Variants in SUCLG1 observed in about 807,000 individuals in gnomAD.
SUCLG1 encodes the protein succinate--CoA ligase [ADP/GDP-forming] subunit alpha, mitochondrial.
In SUCLG1, 26 loss-of-function variants were observed where a neutral mutation model predicts 37.3. That is an observed-to-expected ratio of 0.70 (90% CI 0.51 to 0.97). The LOEUF (loss-of-function observed/expected upper bound fraction) is 0.97. Ranked by LOEUF, SUCLG1 falls within the 50% of genes least tolerant of loss-of-function variation. SUCLG1 has a pLI of 0.00. For missense variants in SUCLG1, 433 were observed against 432.9 expected (o/e 1.00, Z 0.00); for synonymous variants, 163 against 155.6 (o/e 1.05, Z -0.36).
intron 7 of SUCLG1, among the ~76,000 whole-genome samples, chr2:84,427,705 T>C (rs1321961816): frequency 1.3e-5 from 2 of 152,214 alleles, no homozygotes; most frequent in East Asian, 1.9e-4. Context: ...TTGTTCATTA[T>C]TGAGAAGAGA....
chr2:84,459,116 G>T, intron 1 of SUCLG1, 57 bp downstream of exon 1: 1 of 1,504,028 alleles, frequency 6.6e-7, no homozygotes, highest in South Asian at 1.2e-5. Flanking sequence ...CAGGAGGTTG[G>T]GTCCGGCGGG....
rs1392737073 is a variant in SUCLG1 at position 84,443,386 on chromosome 2, G to T, written c.216C>A (p.Ser72Arg). The T allele has an allele frequency of 6.2e-7, 1 of 1,614,100 alleles. No individual in the cohort carries two copies. Among genetic ancestry groups the T allele is most frequent in the East Asian group, 2.2e-5 (1 of 44,870 alleles). ...GFTGKQGTFH[S>R]QQALEYGTKL... Reference sequence around the variant, plus strand: ...TGGTGCCATATTCCAATGCCTGCTGGCTGTGAAAGGTGCCCTGAGGGGAAA... The same window carrying T: ...TGGTGCCATATTCCAATGCCTGCTGTCTGTGAAAGGTGCCCTGAGGGGAAA... Residue 72 changes from serine (S) to arginine (R), a missense_variant, in exon 3 of 9, where the codon AGC (serine) becomes AGA (arginine). Coordinates refer to ENST00000393868, the MANE Select transcript of SUCLG1 (RefSeq NM_003849.4).
intron 1 of SUCLG1, among the ~76,000 whole-genome samples, chr2:84,450,489 A>G (rs1457081834): frequency 2.0e-5 from 3 of 152,020 alleles, no homozygotes; most frequent in Non-Finnish European, 2.9e-5. Flanking sequence ...AATAGTTACT[A>G]CAACCAGCTC....
At chr2:84,443,487 GA>G in intron 2 of SUCLG1, 87 bp from the exon 3 acceptor site, 1 of 1,094,272 alleles carries the variant, frequency 9.1e-7, no homozygotes. Flanking sequence ...CTTAGGAAAA[GA>G]AAAACAAATA....
At chr2:84,438,329 G>A (rs1672718406) in intron 5 of SUCLG1, among the ~76,000 whole-genome samples, 1 of 152,148 alleles carries the variant, frequency 6.6e-6, no homozygotes, top group Non-Finnish European at 1.5e-5. Context: ...GTGACATGTG[G>A]TTGAGAGTAA....
At position 84,436,670 on chromosome 2, in the gene SUCLG1, C is replaced by T. The variant is rs1323120234; in HGVS notation, c.590-3235G>A. 6.6e-5 allele frequency among the ~76,000 whole-genome samples: 10 copies of T among 152,308 alleles called. No individual in the cohort carries two copies. The East Asian group carries it at 1.9e-3, about 29-fold the overall frequency. On this transcript the variant is annotated intron_variant, in intron 5 of 8. Transcript: ENST00000393868. ...TTGGCAAAATAAATTCATAGTCAGG[C>T]TTGATCAACCAGCCTGAAATTTGAA... is the stretch of plus-strand genomic sequence containing the variant.
At chr2:84,456,544 C>T (rs1263626551) in intron 1 of SUCLG1, among the ~76,000 whole-genome samples, 1 of 152,088 alleles carries the variant, frequency 6.6e-6, no homozygotes, top group Non-Finnish European at 1.5e-5. Flanking sequence ...CTTTATGCTT[C>T]TCTTAAAACT....
chr2:84,444,014 A>G (rs1008738223), intron 2 of SUCLG1, among the ~76,000 whole-genome samples: 3 of 152,198 alleles, frequency 2.0e-5, no homozygotes, highest in Non-Finnish European at 2.9e-5. Context: ...GAGGTCATCC[A>G]GTGCCTAGTG....
intron 5 of SUCLG1, among the ~76,000 whole-genome samples, 190 bp downstream of exon 5, chr2:84,440,857 T>C (rs1443066346): frequency 6.6e-6 from 1 of 152,250 alleles, no homozygotes; most frequent in Non-Finnish European, 1.5e-5. Context: ...TTCTGCAGAA[T>C]TGTAACGGCT....
At position 84,449,760 on chromosome 2, in the gene SUCLG1, G is replaced by C; in HGVS notation, c.98-8C>G. 2.5e-6 allele frequency: 2 copies of C among 802,828 alleles called. No individual in the cohort carries two copies. The highest frequency in any genetic ancestry group is 3.8e-5 in the African/African-American group (1 of 26,430). The allele number at this position is 802,828 out of a possible 1,614,324, so 49.7% of individuals were successfully genotyped here. A position where few individuals can be genotyped will look rare whatever the true frequency, so the allele number is the denominator to read the frequency against. On this transcript the variant is annotated splice_polypyrimidine_tract_variant and splice_region_variant and intron_variant, in intron 1 of 8. Coordinates refer to ENST00000393868, the MANE Select transcript of SUCLG1 (RefSeq NM_003849.4). ...GAATTCCATTCTGCGGCACTAAGAGGTTAAAAAAAAAAAAAAAAAAAAAAA... is the reference window on the plus strand; with the variant it reads ...GAATTCCATTCTGCGGCACTAAGAGCTTAAAAAAAAAAAAAAAAAAAAAAA...
At chr2:84,446,549 T>C (rs1672855475) in intron 2 of SUCLG1, among the ~76,000 whole-genome samples, 1 of 152,182 alleles carries the variant, frequency 6.6e-6, no homozygotes, top group South Asian at 2.1e-4. Context: ...CCAAGCATGT[T>C]AATTAATTTG....
chr2:84,445,350 C>G (rs1295898924), intron 2 of SUCLG1, among the ~76,000 whole-genome samples: 1 of 152,144 alleles, frequency 6.6e-6, no homozygotes, highest in Admixed American at 6.6e-5. Context: ...AAATTCATGC[C>G]CTTGGTGATG....
At chr2:84,446,128 C>T (rs10210248) in intron 2 of SUCLG1, among the ~76,000 whole-genome samples, 103,942 of 152,176 alleles carry the variant, frequency 0.68, 38,001 homozygotes, top group East Asian at 0.9. Context: ...TCAGACTTCC[C>T]CTGACCACCT....
At chr2:84,440,470 T>A (rs865828488) in intron 5 of SUCLG1, among the ~76,000 whole-genome samples, 2 of 152,338 alleles carry the variant, frequency 1.3e-5, no homozygotes, top group Middle Eastern at 6.8e-3. Context: ...ATATAGCCAC[T>A]TTGCAGAACT....
intron 8 of SUCLG1, among the ~76,000 whole-genome samples, chr2:84,424,683 T>TTG (rs1573360912): frequency 2.0e-5 from 3 of 152,020 alleles, no homozygotes; most frequent in Non-Finnish European, 1.5e-5. Context: ...TTTTTGCTTT[T>TTG]TGTGTGTGTG....
chr2:84,436,017 C>T (rs1672682524), intron 5 of SUCLG1, among the ~76,000 whole-genome samples: 1 of 152,142 alleles, frequency 6.6e-6, no homozygotes, highest in Non-Finnish European at 1.5e-5. Context: ...TCTAAGAAAA[C>T]AAGAACAGCA....
intron 2 of SUCLG1, among the ~76,000 whole-genome samples, chr2:84,445,005 T>A (rs1048453428): frequency 6.6e-6 from 1 of 152,176 alleles, no homozygotes; most frequent in Admixed American, 6.5e-5. Flanking sequence ...TACAAACAAT[T>A]TGTGCAGTTA....
In SUCLG1 at chr2:84,451,037, C is replaced by A. The variant is rs1047542847; in HGVS notation, c.98-1285G>T. ...TCACAGCTAAGCATCTGACTCTAGGCCAGTGGACACAGCAGGGATTTATGG... is the reference window on the plus strand; with the variant it reads ...TCACAGCTAAGCATCTGACTCTAGGACAGTGGACACAGCAGGGATTTATGG... On this transcript the variant is annotated intron_variant, in intron 1 of 8. Transcript: ENST00000393868. 3.3e-5 allele frequency among the ~76,000 whole-genome samples: 5 copies of A among 152,304 alleles called. No individual in the cohort carries two copies. The East Asian group carries it at 9.7e-4, about 29-fold the overall frequency.
At chr2:84,443,245 GCTTTT>G in intron 3 of SUCLG1, 34 bp downstream of exon 3, 1 of 1,549,980 alleles carries the variant, frequency 6.5e-7, no homozygotes. Flanking sequence ...CTCTTCCCTT[GCTTTT>G]CTTGTCTTGC....
Sources: allele counts gnomAD v4.1 joint callset (sites outside exome capture counted in the v4.1 genomes callset), GRCh38; gene constraint gnomAD v4.1.1; transcripts MANE v1.5; gene names NCBI Gene and HGNC (gene_info 2026-07-23, HGNC 2026-07-21).